PALLD: variants seen among roughly 807,000 people sequenced by gnomAD.
The protein encoded by PALLD is palladin, cytoskeletal associated protein.
Under a neutral mutation model 123.5 loss-of-function variants are expected in PALLD, and 61 were observed. The observed-to-expected ratio is 0.49, with a 90% CI of 0.40 to 0.61. The LOEUF (loss-of-function observed/expected upper bound fraction) is 0.61. Among genes scored for constraint, PALLD ranks in the 20% least tolerant of loss-of-function variants. The pLI, the probability that PALLD is intolerant of heterozygous loss-of-function variation, is 0.00. For missense variants in PALLD, 1,273 were observed against 1,377.0 expected (o/e 0.92, Z 1.20); for synonymous variants, 465 against 496.4 (o/e 0.94, Z 0.84).
intron 18 of PALLD, among the ~76,000 whole-genome samples, chr4:168,923,818 T>G (rs1011906950): frequency 6.6e-6 from 1 of 152,190 alleles, no homozygotes; most frequent in Non-Finnish European, 1.5e-5. Flanking sequence ...ATGGCAAACA[T>G]GGCAAACGGC....
At chr4:168,660,311 T>C (rs1469175008) in intron 2 of PALLD, among the ~76,000 whole-genome samples, 1 of 152,186 alleles carries the variant, frequency 6.6e-6, no homozygotes, top group African/African-American at 2.4e-5. Flanking sequence ...CTTTGATCCC[T>C]AACCAAAAAG....
chr4:168,562,209 A>G (rs1441090898), intron 2 of PALLD, among the ~76,000 whole-genome samples: 2 of 152,136 alleles, frequency 1.3e-5, no homozygotes, highest in Non-Finnish European at 2.9e-5. Context: ...TCATTTCTAC[A>G]GTCACCGAAT....
At chr4:168,904,627 G>A (rs2151312469) in intron 15 of PALLD, among the ~76,000 whole-genome samples, 1 of 152,012 alleles carries the variant, frequency 6.6e-6, no homozygotes, top group Non-Finnish European at 1.5e-5. Flanking sequence ...TGTATGACAG[G>A]TAGTTTTACT....
intron 2 of PALLD, among the ~76,000 whole-genome samples, chr4:168,549,437 T>C (rs1766503296): frequency 6.6e-6 from 1 of 152,218 alleles, no homozygotes; most frequent in Non-Finnish European, 1.5e-5. Context: ...TATATTTAAA[T>C]GCTCACTCAT....
intron 1 of PALLD, among the ~76,000 whole-genome samples, chr4:168,504,108 C>G (rs4077272): frequency 0.7 from 106,849 of 152,070 alleles, 37,692 homozygotes; most frequent in East Asian, 0.8. Flanking sequence ...ACTACGCCTG[C>G]CTCATCTTTG....
At chr4:168,507,874 G>T (rs1473359676) in intron 1 of PALLD, among the ~76,000 whole-genome samples, 3 of 152,136 alleles carry the variant, frequency 2.0e-5, no homozygotes, top group African/African-American at 7.2e-5. Flanking sequence ...TAGCTGAAAT[G>T]CTTAGTAGAA....
In PALLD at chr4:168,815,436, C is replaced by G. The variant is rs114007249; in HGVS notation, c.1965-75486C>G. ...TTTGTCACTTACACCTTGCCTATATCCAAGAAGGATTTGAGTCTTCCTCCA... is the reference window on the plus strand; with the variant it reads ...TTTGTCACTTACACCTTGCCTATATGCAAGAAGGATTTGAGTCTTCCTCCA... On this transcript the variant is annotated intron_variant, in intron 10 of 21. Coordinates refer to ENST00000505667, the MANE Select transcript of PALLD (RefSeq NM_001166108.2). 3.7e-3 allele frequency among the ~76,000 whole-genome samples: 561 copies of G among 152,360 alleles called. 7 individuals carry two copies. The highest frequency in any genetic ancestry group is 0.012 in the African/African-American group (516 of 41,584).
intron 2 of PALLD, among the ~76,000 whole-genome samples, chr4:168,595,042 G>A (rs1043263955): frequency 2.6e-5 from 4 of 152,092 alleles, no homozygotes; most frequent in African/African-American, 9.7e-5. Flanking sequence ...GTCATTTTGG[G>A]ATTTGTTTTC....
Position 168,511,689 on chromosome 4 carries a change from A to C in PALLD, c.185A>C (p.Lys62Thr). The C allele has an allele frequency of 6.2e-7, 1 of 1,614,162 alleles. No individual in the cohort carries two copies. Among genetic ancestry groups the C allele is most frequent in the Non-Finnish European group, 8.5e-7 (1 of 1,180,014 alleles). ...DSETEDFDSEKEISQIFSTSP... is the reference protein window; with the variant it reads ...DSETEDFDSETEISQIFSTSP... The stretch of plus-strand genomic sequence containing the variant: ...GAAACAGAAGATTTTGACTCGGAAA[A>C]GGAGATCTCGCAGATTTTCAGTACT... The change falls in exon 2 of 22, where the codon AAG (lysine) becomes ACG (threonine). Residue 62 changes from lysine to threonine, a missense_variant. By Grantham distance (78) the Lys-to-Thr change is moderately conservative. Around this residue, in one of 2 missense-constraint regions of PALLD, gnomAD observed 944 missense variants for 954.5 expected, o/e 0.99. Coordinates refer to ENST00000505667, the MANE Select transcript of PALLD (RefSeq NM_001166108.2).
intron 2 of PALLD, among the ~76,000 whole-genome samples, chr4:168,514,547 G>A (rs1762824920): frequency 6.6e-6 from 1 of 152,142 alleles, no homozygotes; most frequent in African/African-American, 2.4e-5. Context: ...TGTTATTTAT[G>A]TAGATTATTT....
intron 10 of PALLD, among the ~76,000 whole-genome samples, chr4:168,735,708 G>A (rs1386362323): frequency 2.6e-5 from 4 of 152,062 alleles, no homozygotes; most frequent in Non-Finnish European, 5.9e-5. Flanking sequence ...CTCCCTCAGG[G>A]CCTTTTTTTC....
At chr4:168,643,098 C>T (rs556071537) in intron 2 of PALLD, among the ~76,000 whole-genome samples, 112 of 152,132 alleles carry the variant, frequency 7.4e-4, no homozygotes, top group Non-Finnish European at 1.3e-3. Flanking sequence ...TATAACTTGG[C>T]GAGTTATGTA....
chr4:168,846,071 C>T (rs1746797670), intron 10 of PALLD, among the ~76,000 whole-genome samples: 1 of 152,202 alleles, frequency 6.6e-6, no homozygotes, highest in Non-Finnish European at 1.5e-5. Context: ...AACTGAATGT[C>T]ATTTCAATAC....
intron 2 of PALLD, among the ~76,000 whole-genome samples, chr4:168,616,837 A>G (rs899978237): frequency 2.6e-5 from 4 of 152,196 alleles, no homozygotes; most frequent in African/African-American, 9.7e-5. Context: ...AGATTCTAGA[A>G]TGGAGACTGG....
intron 10 of PALLD, among the ~76,000 whole-genome samples, chr4:168,876,577 A>G (rs1004580415): frequency 6.6e-6 from 1 of 152,240 alleles, no homozygotes; most frequent in African/African-American, 2.4e-5. Flanking sequence ...GGAACAGAAG[A>G]CACAGGACAG....
At position 168,852,598 on chromosome 4, in the gene PALLD, G is replaced by A. The variant is rs1747966165; in HGVS notation, c.1965-38324G>A. ...CAAGGCTGCAGTGAGCCGTGACTAT[G>A]CCACTGCACACTCCAGCCTGGGCAA... On this transcript the variant is annotated intron_variant, in intron 10 of 21. Transcript: ENST00000505667. Among the ~76,000 whole-genome samples the A allele has an allele frequency of 4.6e-5, 7 of 152,112 alleles. No individual in the cohort carries two copies. In the South Asian group the frequency reaches 1.5e-3, roughly 32 times the overall value.
At chr4:168,747,711 C>T (rs1056199548) in intron 10 of PALLD, among the ~76,000 whole-genome samples, 1 of 152,162 alleles carries the variant, frequency 6.6e-6, no homozygotes, top group East Asian at 1.9e-4. Flanking sequence ...AATTTCTAGT[C>T]TCAGGGAAGC....
chr4:168,671,212 C>T (rs1163329538), intron 3 of PALLD, among the ~76,000 whole-genome samples: 1 of 152,090 alleles, frequency 6.6e-6, no homozygotes, highest in East Asian at 1.9e-4. Context: ...CTGGGATAGA[C>T]CCAAACTCTC....
intron 10 of PALLD, among the ~76,000 whole-genome samples, chr4:168,720,765 G>A (rs945185514): frequency 1.3e-5 from 2 of 152,208 alleles, no homozygotes; most frequent in African/African-American, 4.8e-5. Flanking sequence ...GAAGGTATTT[G>A]CATTAGCAGT....
Sources: allele counts gnomAD v4.1 joint callset (sites outside exome capture counted in the v4.1 genomes callset), GRCh38; gene constraint gnomAD v4.1.1; regional missense constraint gnomAD v4.1.1; transcripts MANE v1.5; gene names NCBI Gene and HGNC (gene_info 2026-07-23, HGNC 2026-07-21).